The following USP32 variants were observed in gnomAD, a reference collection of about 807,000 sequenced individuals.
USP32 encodes ubiquitin specific peptidase 32, also known as ubiquitin carboxyl-terminal hydrolase 32.
In USP32, 59 loss-of-function variants were observed where a neutral mutation model predicts 204.8. That is an observed-to-expected ratio of 0.29 (90% CI 0.23 to 0.36). The LOEUF (loss-of-function observed/expected upper bound fraction) is 0.36. Ranked by LOEUF, USP32 falls within the 10% of genes least tolerant of loss-of-function variation. The pLI, the probability that USP32 is intolerant of heterozygous loss-of-function variation, is 1.00. For synonymous variants in USP32, 517 were observed against 678.4 expected, an observed-to-expected ratio of 0.76 and a Z score of 3.70; for missense variants, 1,160 against 1,946.4, an observed-to-expected ratio of 0.60 and a Z score of 7.60.
chr17:60,264,476 C>T (rs886519282), intron 9 of USP32, among the ~76,000 whole-genome samples: 1 of 151,646 alleles, frequency 6.6e-6, no homozygotes, highest in Non-Finnish European at 1.5e-5. Context: ...GATCCCACCA[C>T]TGCACTCTAG....
At chr17:60,300,749 A>G (rs776668027) in intron 3 of USP32, among the ~76,000 whole-genome samples, 17 of 152,224 alleles carry the variant, frequency 1.1e-4, no homozygotes, top group Non-Finnish European at 2.1e-4. Flanking sequence ...TTTTTAAAGT[A>G]TATTTATAAG....
intron 11 of USP32, among the ~76,000 whole-genome samples, chr17:60,237,347 A>G (rs2085759320): frequency 6.9e-6 from 1 of 145,556 alleles, no homozygotes; most frequent in African/African-American, 2.6e-5. Context: ...AGGTCTCACT[A>G]TGTCACCCAG....
chr17:60,411,239 G>T (rs1037457701), intron 1 of USP32, among the ~76,000 whole-genome samples: 1 of 151,806 alleles, frequency 6.6e-6, no homozygotes, highest in Non-Finnish European at 1.5e-5. Context: ...CAGGAGAATC[G>T]CTTGAACCCA....
chr17:60,284,779 C>T (rs924942256), intron 5 of USP32, among the ~76,000 whole-genome samples: 1 of 152,188 alleles, frequency 6.6e-6, no homozygotes, highest in African/African-American at 2.4e-5. Flanking sequence ...CTCACTTCTA[C>T]TAAGTTTCAT....
intron 1 of USP32, among the ~76,000 whole-genome samples, chr17:60,346,012 A>T: frequency 6.6e-6 from 1 of 152,142 alleles, no homozygotes; most frequent in Non-Finnish European, 1.5e-5. Context: ...AGAAAAAAAA[A>T]GAAAAATTGG....
intron 2 of USP32, among the ~76,000 whole-genome samples, chr17:60,338,971 G>A (rs973827818): frequency 3.3e-5 from 5 of 152,050 alleles, no homozygotes; most frequent in Admixed American, 6.6e-5. Flanking sequence ...GAGCAGTGAC[G>A]TGATCTTGGC....
At chr17:60,323,591 G>A (rs1256228639) in intron 2 of USP32, among the ~76,000 whole-genome samples, 1 of 152,200 alleles carries the variant, frequency 6.6e-6, no homozygotes, top group Non-Finnish European at 1.5e-5. Flanking sequence ...CTTTAAATGT[G>A]TGAATAGTGT....
intron 13 of USP32, among the ~76,000 whole-genome samples, chr17:60,224,710 G>A (rs1360697855): frequency 6.6e-6 from 1 of 152,216 alleles, no homozygotes; most frequent in Non-Finnish European, 1.5e-5. Context: ...TTGAGCCCAG[G>A]AACTGGAGGT....
intron 26 of USP32, among the ~76,000 whole-genome samples, chr17:60,199,413 TAG>T (rs1249229714): frequency 1.3e-5 from 2 of 152,214 alleles, no homozygotes; most frequent in African/African-American, 4.8e-5. Flanking sequence ...TTCCTTAATA[TAG>T]AGATACTGCA....
At chr17:60,289,008 G>A (rs1388413525) in intron 4 of USP32, among the ~76,000 whole-genome samples, 1 of 152,018 alleles carries the variant, frequency 6.6e-6, no homozygotes, top group Non-Finnish European at 1.5e-5. Context: ...TTTGTTTTTT[G>A]TTTTTGTTTG....
Position 60,223,481 on chromosome 17 carries a change from A to G in USP32, c.1538T>C (p.Leu513Ser). 6.2e-7 allele frequency: 1 copy of G among 1,614,014 alleles called. No individual in the cohort carries two copies. The part of the protein sequence containing the change: ...QCLLGANGNI[L>S]LHLNPQKPGA... The stretch of plus-strand genomic sequence containing the variant: ...TGGTTTCTGAGGGTTAAGGTGCAAC[A>G]AAATATTCCCATTGGCTCCCAGCAA... The change falls in exon 14 of 34, where the codon TTG becomes TCG. Residue 513 changes from leucine (L) to serine (S), a missense_variant. Leu to Ser is a moderately radical substitution (Grantham distance 145). Transcript: ENST00000300896.
chr17:60,327,516 C>T (rs1206650163), intron 2 of USP32, among the ~76,000 whole-genome samples: 2 of 139,696 alleles, frequency 1.4e-5, no homozygotes, highest in Middle Eastern at 3.9e-3. Flanking sequence ...ACCTCAGGAG[C>T]CAGGCTGAGC....
chr17:60,256,549 G>T (rs552959583), intron 9 of USP32: 2 of 285,636 alleles, frequency 7.0e-6, no homozygotes, highest in Non-Finnish European at 1.1e-5. Flanking sequence ...GCCACTATCT[G>T]TGTGGAGTTT....
intron 1 of USP32, among the ~76,000 whole-genome samples, chr17:60,419,850 TA>T (rs148454932): frequency 1.5e-5 from 2 of 132,464 alleles, no homozygotes; most frequent in Non-Finnish European, 3.1e-5. Context: ...TTATTATTAT[TA>T]TTATTATTAT....
chr17:60,351,451 T>TC lies in USP32; in HGVS notation c.59-5844dup, dbSNP rs2088945996. Among the ~76,000 whole-genome samples the TC allele has an allele frequency of 3.9e-5, 6 of 152,010 alleles. No individual in the cohort carries two copies. The South Asian group carries it at 1.2e-3, about 32-fold the overall frequency. On this transcript the variant is annotated intron_variant, in intron 1 of 33. Coordinates refer to ENST00000300896, the MANE Select transcript of USP32 (RefSeq NM_032582.4). ...ACTATGCCAGGCTTCTTTTTTTTTTTCGAGATGGAGTCTCACTCCGTCCCC... is the reference window on the plus strand; with the variant it reads ...ACTATGCCAGGCTTCTTTTTTTTTTTCCGAGATGGAGTCTCACTCCGTCCCC...
rs2088481693 is a variant in USP32 at position 60,334,949 on chromosome 17, G to A, written c.186+10532C>T. Among the ~76,000 whole-genome samples the A allele has an allele frequency of 2.1e-5, 3 of 142,086 alleles. 1 individual carries two copies. The highest frequency in any genetic ancestry group is 6.1e-5 in the African/African-American group (2 of 32,806). The allele number at this position is 142,086 out of a possible 152,430, so 93.2% of individuals were successfully genotyped here. A position where few individuals can be genotyped will look rare whatever the true frequency, so the allele number is the denominator to read the frequency against. ...GCTGGGATTACAGGCGTGAGCCACC[G>A]CGCCCAGCCACGTTTTTTTATTTAA... On this transcript the variant is annotated intron_variant, in intron 2 of 33. Transcript: ENST00000300896.
chr17:60,240,072 C>T (rs1346759229), intron 11 of USP32, among the ~76,000 whole-genome samples: 6 of 152,186 alleles, frequency 3.9e-5, no homozygotes, highest in Admixed American at 3.9e-4. Flanking sequence ...TGTCCATCAC[C>T]TCCATTAGCT....
At chr17:60,207,154 G>A (rs1200888713) in intron 24 of USP32, 22 bp from the exon 25 acceptor site, 8 of 1,602,570 alleles carry the variant, frequency 5.0e-6, no homozygotes, top group East Asian at 4.5e-5. Context: ...GAAGCAAGAT[G>A]AGAAGGGGGA....
chr17:60,409,394 G>T (rs1285184153), intron 1 of USP32, among the ~76,000 whole-genome samples: 2 of 152,146 alleles, frequency 1.3e-5, no homozygotes, highest in Non-Finnish European at 2.9e-5. Flanking sequence ...CACAGTATTG[G>T]CCTCTATGCA....
Sources: allele counts gnomAD v4.1 joint callset (sites outside exome capture counted in the v4.1 genomes callset), GRCh38; gene constraint gnomAD v4.1.1; transcripts MANE v1.5; gene names NCBI Gene and HGNC (gene_info 2026-07-23, HGNC 2026-07-21).